MLIP: variants seen among roughly 807,000 people sequenced by gnomAD.
MLIP encodes the protein muscular LMNA interacting protein, also known as muscular LMNA-interacting protein.
In MLIP, 79 loss-of-function variants were observed where a neutral mutation model predicts 84.8. The ratio of observed to expected loss-of-function variants is 0.93; its 90% CI spans 0.78 to 1.12. MLIP has a LOEUF of 1.12. Ranked by LOEUF, MLIP falls within the 50% of genes most tolerant of loss-of-function variation. MLIP has a pLI of 0.00. For missense variants in MLIP, 1,257 were observed against 1,160.6 expected (o/e 1.08, Z -1.21); for synonymous variants, 504 against 463.0 (o/e 1.09, Z -1.14).
At chr6:54,074,834 C>T (rs778047439) in intron 1 of MLIP, among the ~76,000 whole-genome samples, 2 of 152,016 alleles carry the variant, frequency 1.3e-5, no homozygotes, top group African/African-American at 2.4e-5. Flanking sequence ...ACACTAGATG[C>T]GAAACACCTG....
rs779508970 is a variant in MLIP at position 54,160,593 on chromosome 6, G to A, written c.2433G>A (p.Leu811=). The A allele has an allele frequency of 7.5e-6, 12 of 1,609,674 alleles. No individual in the cohort carries two copies. The highest frequency in any genetic ancestry group is 1.0e-5 in the Non-Finnish European group (12 of 1,176,888). ...ATIDKVLQDS[L]SMHSSDSPSR... ...TTGATAAGGTCTTACAGGATTCCTT[G>A]TCTATGGTAATGCTTTAGACTAGAA... Residue 811 remains leucine (L), a synonymous_variant, in exon 7 of 14, where the codon TTG becomes TTA. Transcript: ENST00000502396.
intron 1 of MLIP, among the ~76,000 whole-genome samples, chr6:54,062,624 G>T (rs1043659172): frequency 2.0e-5 from 3 of 152,190 alleles, no homozygotes; most frequent in Non-Finnish European, 4.4e-5. Flanking sequence ...AAGAAGAGAG[G>T]TGAGGAACAG....
chr6:54,166,218 A>T (rs1257313789), intron 8 of MLIP, among the ~76,000 whole-genome samples: 1 of 151,976 alleles, frequency 6.6e-6, no homozygotes, highest in African/African-American at 2.4e-5. Context: ...GAAGAGAAAT[A>T]ATTTTATAAC....
At chr6:54,182,660 T>C (rs560595389) in intron 9 of MLIP, among the ~76,000 whole-genome samples, 1 of 152,352 alleles carries the variant, frequency 6.6e-6, no homozygotes, top group South Asian at 2.1e-4. Flanking sequence ...TCTATGAACT[T>C]TGTAGAGGGA....
intron 11 of MLIP, among the ~76,000 whole-genome samples, chr6:54,221,263 T>C (rs1398112290): frequency 1.3e-5 from 2 of 152,102 alleles, no homozygotes; most frequent in African/African-American, 4.8e-5. Flanking sequence ...CAGGTAGTGG[T>C]CCTTTCCCTG....
chr6:54,072,211 C>T (rs1053784991), intron 1 of MLIP, among the ~76,000 whole-genome samples: 2 of 152,146 alleles, frequency 1.3e-5, no homozygotes, highest in African/African-American at 4.8e-5. Context: ...ATGCAGTTTT[C>T]ACATCCTGAT....
chr6:54,107,776 T>G (rs538159914), upstream of MLIP, among the ~76,000 whole-genome samples: 1 of 152,176 alleles, frequency 6.6e-6, no homozygotes, highest in Non-Finnish European at 1.5e-5. Context: ...TTATTTTATG[T>G]CTTCAGAGCT....
At chr6:54,231,557 A>G (rs1781003861) in intron 12 of MLIP, among the ~76,000 whole-genome samples, 2 of 152,220 alleles carry the variant, frequency 1.3e-5, no homozygotes, top group South Asian at 4.1e-4. Context: ...TGAATCATAA[A>G]TGTTTTCTAG....
chr6:54,035,783 A>C (rs1764399627), intron 1 of MLIP, among the ~76,000 whole-genome samples: 1 of 151,752 alleles, frequency 6.6e-6, no homozygotes, highest in Non-Finnish European at 1.5e-5. Flanking sequence ...GTGTCTGTTC[A>C]GATCTTTTGC....
At chr6:54,097,856 C>T (rs1234047604) in intron 1 of MLIP, among the ~76,000 whole-genome samples, 1 of 152,150 alleles carries the variant, frequency 6.6e-6, no homozygotes, top group Non-Finnish European at 1.5e-5. Flanking sequence ...ACCAAGGTCA[C>T]ACAAACTGTA....
At chr6:54,034,547 T>A (rs1320058684) in intron 1 of MLIP, among the ~76,000 whole-genome samples, 2 of 152,076 alleles carry the variant, frequency 1.3e-5, no homozygotes, top group Admixed American at 1.3e-4. Flanking sequence ...TAAAAGCATT[T>A]AAAAAGTTAA....
chr6:54,190,674 T>C (rs1777819663), intron 10 of MLIP, among the ~76,000 whole-genome samples: 1 of 152,144 alleles, frequency 6.6e-6, no homozygotes, highest in Non-Finnish European at 1.5e-5. Flanking sequence ...TATTTGAAGA[T>C]AAAATTTGAT....
intron 1 of MLIP, among the ~76,000 whole-genome samples, chr6:54,080,282 T>C (rs555405432): frequency 6.6e-6 from 1 of 152,132 alleles, no homozygotes; most frequent in Non-Finnish European, 1.5e-5. Flanking sequence ...CCCTCTGCCA[T>C]GCTGGACTTT....
chr6:54,025,356 T>A (rs1393274404), intron 1 of MLIP, among the ~76,000 whole-genome samples: 1 of 152,190 alleles, frequency 6.6e-6, no homozygotes, highest in African/African-American at 2.4e-5. Context: ...CTATATGTTA[T>A]TCCTTACAAG....
At chr6:54,042,008 G>A (rs1764770312) in intron 1 of MLIP, among the ~76,000 whole-genome samples, 1 of 152,076 alleles carries the variant, frequency 6.6e-6, no homozygotes, top group African/African-American at 2.4e-5. Context: ...TTTCCCTGTT[G>A]CTGGGATCAG....
At chr6:54,112,846 T>C (rs1390015052) in intron 1 of MLIP, among the ~76,000 whole-genome samples, 1 of 152,196 alleles carries the variant, frequency 6.6e-6, no homozygotes, top group Non-Finnish European at 1.5e-5. Flanking sequence ...AAGCATACCT[T>C]ATTCATTGAA....
At chr6:54,203,336 A>G (rs9464032) in intron 11 of MLIP, among the ~76,000 whole-genome samples, 83 of 152,274 alleles carry the variant, frequency 5.5e-4, no homozygotes, top group African/African-American at 1.8e-3. Flanking sequence ...AAACTTTCTG[A>G]ATACAGTCAG....
intron 5 of MLIP, among the ~76,000 whole-genome samples, chr6:54,156,258 T>C (rs768358): frequency 0.36 from 55,221 of 151,944 alleles, 11,687 homozygotes; most frequent in African/African-American, 0.59. Flanking sequence ...ATTTCAAGAC[T>C]ATTTAAGTTC....
Position 54,222,244 on chromosome 6 carries a change from C to T in MLIP, c.2719-8470C>T, listed in dbSNP as rs528014366. ...GAATATTTAGGATCTGCCCTCTTAG[C>T]AATCAAGCCTACAGAGTATACAGTA... On this transcript the variant is annotated intron_variant, in intron 11 of 13. Coordinates refer to ENST00000502396, the MANE Select transcript of MLIP (RefSeq NM_001281747.2). Among the ~76,000 whole-genome samples, 3 of 152,096 alleles carry T rather than the reference C, an allele frequency of 2.0e-5. No homozygotes were observed. In the East Asian group the frequency reaches 5.8e-4, roughly 29 times the overall value.
Sources: allele counts gnomAD v4.1 joint callset (sites outside exome capture counted in the v4.1 genomes callset), GRCh38; gene constraint gnomAD v4.1.1; transcripts MANE v1.5; gene names NCBI Gene and HGNC (gene_info 2026-07-23, HGNC 2026-07-21).